Variants in ARFGEF1 observed in about 807,000 individuals in gnomAD.
ARFGEF1 encodes the protein ARF guanine nucleotide exchange factor 1.
ARFGEF1 carries 42 observed loss-of-function variants against 231.0 expected under a neutral mutation model. The ratio of observed to expected loss-of-function variants is 0.18; its 90% CI spans 0.14 to 0.24. The LOEUF is 0.24. Among genes scored for constraint, ARFGEF1 ranks in the 10% least tolerant of loss-of-function variants. The pLI is 1.00. For missense variants in ARFGEF1, 1,345 were observed against 2,192.0 expected (o/e 0.61, Z 7.72); for synonymous variants, 710 against 732.3 (o/e 0.97, Z 0.49).
chr8:67,255,378 C>T (rs1053788127), intron 17 of ARFGEF1, among the ~76,000 whole-genome samples: 6 of 152,122 alleles, frequency 3.9e-5, no homozygotes, highest in African/African-American at 1.4e-4. Flanking sequence ...GTTGTTACTA[C>T]TGATGATTAT....
chr8:67,296,531 T>C lies in ARFGEF1; in HGVS notation c.539A>G (p.Asn180Ser), dbSNP rs140713901. 3 of 1,614,078 alleles carry C rather than the reference T, an allele frequency of 1.9e-6. No individual in the cohort carries two copies. The highest frequency in any genetic ancestry group is 2.5e-6 in the Non-Finnish European group (3 of 1,179,974). The change falls in exon 5 of 39, where the codon AAT (asparagine) becomes AGT (serine). Residue 180 changes from asparagine (N) to serine (S), a missense_variant. Transcript: ENST00000262215. ...GAGATTTTTGCTTGCTAAGTAGATA[T>C]TGTAACATGTTCTCACAGCTTGCAG... ...TVLQAVRTCY[N>S]IYLASKNLIN...
intron 5 of ARFGEF1, among the ~76,000 whole-genome samples, chr8:67,176,372 C>T (rs1219476655): frequency 6.6e-6 from 1 of 152,086 alleles, no homozygotes; most frequent in Non-Finnish European, 1.5e-5. Flanking sequence ...CATGAGATAG[C>T]ATCACAGGAG....
chr8:67,322,273 T>C (rs767701660), intron 1 of ARFGEF1, among the ~76,000 whole-genome samples: 2 of 152,208 alleles, frequency 1.3e-5, no homozygotes, highest in African/African-American at 2.4e-5. Context: ...ATGCCAACCT[T>C]CTAGGTAACT....
intron 9 of ARFGEF1, among the ~76,000 whole-genome samples, chr8:67,274,474 G>C (rs1368675926): frequency 1.3e-5 from 2 of 151,932 alleles, no homozygotes; most frequent in African/African-American, 2.4e-5. Flanking sequence ...CTAATATTTG[G>C]TTTAAACCCA....
chr8:67,311,809 G>A (rs1471772361), intron 1 of ARFGEF1, among the ~76,000 whole-genome samples: 2 of 152,206 alleles, frequency 1.3e-5, no homozygotes, highest in African/African-American at 2.4e-5. Context: ...GGGAAAGGTG[G>A]GGAAAAGATT....
At chr8:67,211,367 A>G (rs1186673423) in intron 34 of ARFGEF1, 116 bp downstream of exon 34, 1 of 576,220 alleles carries the variant, frequency 1.7e-6, no homozygotes, top group Non-Finnish European at 2.6e-6. Flanking sequence ...AAAAAAAAAG[A>G]AGTGATGACA....
chr8:67,285,373 C>A (rs1414782808), intron 7 of ARFGEF1, among the ~76,000 whole-genome samples: 1 of 151,884 alleles, frequency 6.6e-6, no homozygotes, highest in Non-Finnish European at 1.5e-5. Flanking sequence ...AAAAACTAGC[C>A]GGGCGTGGTG....
intron 14 of ARFGEF1, among the ~76,000 whole-genome samples, chr8:67,262,469 G>C (rs1215188016): frequency 1.3e-5 from 2 of 152,218 alleles, no homozygotes; most frequent in Non-Finnish European, 2.9e-5. Context: ...GAAAATAAGA[G>C]ATTTAGAATA....
intron 23 of ARFGEF1, among the ~76,000 whole-genome samples, chr8:67,230,692 T>C (rs1342111817): frequency 6.6e-6 from 1 of 152,076 alleles, no homozygotes; most frequent in Admixed American, 6.6e-5. Flanking sequence ...TGCTAAATAA[T>C]TGTTTTTTAG....
chr8:67,272,203 G>A (rs1014399610), intron 9 of ARFGEF1, among the ~76,000 whole-genome samples: 2 of 151,982 alleles, frequency 1.3e-5, no homozygotes, highest in African/African-American at 4.8e-5. Context: ...ACAGAGTCTT[G>A]CTCTGTCACC....
At chr8:67,254,900 TAA>T (rs879816603) in intron 17 of ARFGEF1, among the ~76,000 whole-genome samples, 2 of 141,914 alleles carry the variant, frequency 1.4e-5, no homozygotes, top group Non-Finnish European at 1.5e-5. Context: ...GTCATGGCAC[TAA>T]AAAAAAAAAA....
At chr8:67,249,801 T>C (rs933813209) in intron 19 of ARFGEF1, among the ~76,000 whole-genome samples, 1 of 152,098 alleles carries the variant, frequency 6.6e-6, no homozygotes, top group African/African-American at 2.4e-5. Flanking sequence ...TTTGTACTTT[T>C]AGTAGAGATG....
At chr8:67,265,207 T>A (rs1299109960) in intron 14 of ARFGEF1, among the ~76,000 whole-genome samples, 1 of 152,112 alleles carries the variant, frequency 6.6e-6, no homozygotes, top group Non-Finnish European at 1.5e-5. Flanking sequence ...ATGTGTACAT[T>A]TTTGTTGAAC....
intron 34 of ARFGEF1, among the ~76,000 whole-genome samples, chr8:67,206,267 G>A (rs184223611): frequency 0.015 from 2,307 of 151,992 alleles, 64 homozygotes; most frequent in African/African-American, 0.053. Context: ...AAAATTAGCC[G>A]GGTGTGGTGG....
chr8:67,334,682 TAAAC>T (rs1180120408), intron 1 of ARFGEF1, among the ~76,000 whole-genome samples: 2 of 152,102 alleles, frequency 1.3e-5, no homozygotes, highest in African/African-American at 4.8e-5. Context: ...GGTAAATGGA[TAAAC>T]AAAATATAGG....
At chr8:67,267,543 A>C (rs1804897579) in intron 10 of ARFGEF1, 101 bp from the exon 11 acceptor site, 1 of 715,740 alleles carries the variant, frequency 1.4e-6, no homozygotes. Flanking sequence ...ATTAGGACCC[A>C]GGCTCTTATG....
At chr8:67,193,821 A>C (rs1837105727), downstream of ARFGEF1, among the ~76,000 whole-genome samples, 1 of 152,236 alleles carries the variant, frequency 6.6e-6, no homozygotes. Context: ...TTTAGAGTGG[A>C]GTCTAAACAG....
intron 1 of ARFGEF1, among the ~76,000 whole-genome samples, chr8:67,329,094 C>T (rs1340653030): frequency 6.6e-6 from 1 of 152,006 alleles, no homozygotes; most frequent in African/African-American, 2.4e-5. Flanking sequence ...GGCATGCTGG[C>T]ATGTGCCTGT....
intron 1 of ARFGEF1, among the ~76,000 whole-genome samples, chr8:67,307,491 T>C (rs767886023): frequency 1.3e-5 from 2 of 152,204 alleles, no homozygotes; most frequent in African/African-American, 4.8e-5. Context: ...AACAATCTCA[T>C]TAACCTAGTA....
Sources: gnomAD v4.1 joint callset for allele counts (sites outside exome capture counted in the v4.1 genomes callset) on GRCh38, gnomAD v4.1.1 for gene constraint, MANE v1.5 for transcripts, NCBI Gene and HGNC (gene_info 2026-07-23, HGNC 2026-07-21) for gene names.